Variants in TNS3 observed in about 807,000 individuals in gnomAD.
The protein encoded by TNS3 is tensin 3.
A neutral mutation model predicts 140.9 loss-of-function variants in TNS3; 45 were observed. The ratio of observed to expected loss-of-function variants is 0.32; its 90% CI spans 0.25 to 0.41. TNS3 has a LOEUF of 0.41. Among genes scored for constraint, TNS3 ranks in the 10% least tolerant of loss-of-function variants. The pLI is 1.00. For synonymous variants in TNS3, 815 were observed against 788.4 expected (o/e 1.03, Z -0.56); for missense variants, 1,716 against 1,906.7 (o/e 0.90, Z 1.86).
At chr7:47,414,172 G>A (rs781263126) in intron 11 of TNS3, among the ~76,000 whole-genome samples, 175 bp from the exon 12 acceptor site, 6 of 152,098 alleles carry the variant, frequency 3.9e-5, no homozygotes, top group East Asian at 1.9e-4. Context: ...GGCCGGACCC[G>A]GTCCTAGAAG....
At chr7:47,342,132 T>C (rs576094006) in intron 20 of TNS3, among the ~76,000 whole-genome samples, 2 of 152,258 alleles carry the variant, frequency 1.3e-5, no homozygotes, top group Non-Finnish European at 2.9e-5. Context: ...CCATAGATAT[T>C]ATAAATAAGG....
intron 1 of TNS3, among the ~76,000 whole-genome samples, chr7:47,551,322 A>C (rs928662174): frequency 6.6e-6 from 1 of 152,236 alleles, no homozygotes; most frequent in African/African-American, 2.4e-5. Flanking sequence ...CTGAAGGTGG[A>C]GGCCCAGTGG....
At chr7:47,446,562 C>T (rs1003890119) in intron 4 of TNS3, among the ~76,000 whole-genome samples, 4 of 152,150 alleles carry the variant, frequency 2.6e-5, no homozygotes, top group Admixed American at 6.5e-5. Context: ...TCCCTGTTGG[C>T]ATGCTCTTAT....
At chr7:47,550,746 C>T (rs546841603) in intron 1 of TNS3, among the ~76,000 whole-genome samples, 1 of 152,200 alleles carries the variant, frequency 6.6e-6, no homozygotes, top group Non-Finnish European at 1.5e-5. Flanking sequence ...TAGCCAGCAA[C>T]TGGGCTCTGG....
chr7:47,568,217 G>C (rs1016043280), intron 1 of TNS3, among the ~76,000 whole-genome samples: 2 of 152,220 alleles, frequency 1.3e-5, no homozygotes, highest in African/African-American at 4.8e-5. Flanking sequence ...GGAGAGGGTA[G>C]GGAGAGGCGA....
chr7:47,366,963 A>G (rs2151133151), intron 17 of TNS3, among the ~76,000 whole-genome samples: 1 of 152,282 alleles, frequency 6.6e-6, no homozygotes, highest in Non-Finnish European at 1.5e-5. Flanking sequence ...TCTGGTCTTC[A>G]CTTTTAGAGG....
intron 1 of TNS3, among the ~76,000 whole-genome samples, chr7:47,577,413 C>A (rs1009743283): frequency 3.3e-5 from 5 of 152,138 alleles, no homozygotes; most frequent in Non-Finnish European, 5.9e-5. Flanking sequence ...CCTTGGGGTC[C>A]GAGGAAGCAG....
intron 16 of TNS3, among the ~76,000 whole-genome samples, chr7:47,376,726 G>GAC (rs148067728): frequency 0.014 from 1,981 of 144,350 alleles, 23 homozygotes; most frequent in African/African-American, 0.039. Context: ...TCTAGATCAA[G>GAC]ACACACACAC....
Position 47,517,801 on chromosome 7 carries a change from G to A in TNS3, c.-152-10857C>T, listed in dbSNP as rs139136622. On this transcript the variant is annotated intron_variant, in intron 2 of 30. Transcript: ENST00000311160. ...AAGGTGCAGCGGGAGCCTAAAGGCG[G>A]AGGGAGGGTTCCACAGTCATTTCTG... Among the ~76,000 whole-genome samples the A allele has an allele frequency of 5.8e-3, 881 of 152,310 alleles. 5 individuals are homozygous for A. The highest frequency in any genetic ancestry group is 9.7e-3 in the Non-Finnish European group (657 of 68,038).
intron 12 of TNS3, 21 bp from the exon 13 acceptor site, chr7:47,411,823 T>G: frequency 6.2e-7 from 1 of 1,608,948 alleles, no homozygotes; most frequent in Non-Finnish European, 8.5e-7. Flanking sequence ...AAGAAGAAGG[T>G]AGATCATTAT....
At chr7:47,422,407 G>A (rs1035526521) in intron 10 of TNS3, among the ~76,000 whole-genome samples, 1 of 152,030 alleles carries the variant, frequency 6.6e-6, no homozygotes, top group Non-Finnish European at 1.5e-5. Context: ...CAAGCTCAGG[G>A]GTTCAAGACC....
intron 20 of TNS3, among the ~76,000 whole-genome samples, chr7:47,318,509 G>A (rs1312400503): frequency 6.6e-6 from 1 of 152,148 alleles, no homozygotes; most frequent in African/African-American, 2.4e-5. Context: ...AAACAGACAG[G>A]AATGCACCAG....
chr7:47,460,137 T>C lies in TNS3; in HGVS notation c.-75-18082A>G, dbSNP rs573098933. The stretch of plus-strand genomic sequence containing the variant: ...CTGAGGCAGGAGAATGGCGTGAACC[T>C]GAGAGGCGGAGCTTGCAGTGAGCCG... On this transcript the variant is annotated intron_variant, in intron 4 of 30. Transcript: ENST00000311160. 3.9e-3 allele frequency among the ~76,000 whole-genome samples: 565 copies of C among 145,492 alleles called. 7 individuals are homozygous for C. The highest frequency in any genetic ancestry group is 0.014 in the African/African-American group (545 of 38,504).
At chr7:47,284,860 G>A (rs940997585) in intron 27 of TNS3, among the ~76,000 whole-genome samples, 5 of 152,352 alleles carry the variant, frequency 3.3e-5, no homozygotes, top group African/African-American at 7.2e-5. Context: ...CACGGTACGC[G>A]CTGGGTAGTG....
intron 20 of TNS3, among the ~76,000 whole-genome samples, chr7:47,308,706 A>T (rs1421934647): frequency 6.6e-6 from 1 of 152,142 alleles, no homozygotes; most frequent in African/African-American, 2.4e-5. Context: ...GTTATCCCCC[A>T]CTACTGGGCA....
chr7:47,545,078 G>A (rs1049357550), intron 1 of TNS3, among the ~76,000 whole-genome samples: 3 of 151,310 alleles, frequency 2.0e-5, no homozygotes, highest in Non-Finnish European at 4.4e-5. Context: ...GGACACAGTT[G>A]TTGGTGTTGT....
At chr7:47,381,501 A>T (rs1238466489) in intron 16 of TNS3, among the ~76,000 whole-genome samples, 2 of 152,180 alleles carry the variant, frequency 1.3e-5, no homozygotes, top group Non-Finnish European at 2.9e-5. Flanking sequence ...TACTCTTTAA[A>T]TGAACAGAAT....
rs767638754 is a variant in TNS3 at position 47,278,088 on chromosome 7, T to G, written c.4326A>C (p.Pro1442=). 2 of 1,614,094 alleles carry G rather than the reference T, an allele frequency of 1.2e-6. No individual in the cohort carries two copies. The highest frequency in any genetic ancestry group is 1.7e-6 in the Non-Finnish European group (2 of 1,179,984). ...GGGAGGGGAGTTCTCAGACCTTCTT[T>G]GGGGAACCAATCATGACCTTTGATA... The part of the protein sequence containing the change: ...NFVSKVMIGS[P]KKV Residue 1442 remains proline (P), a synonymous_variant, in exon 31 of 31, where the codon CCA becomes CCC. Transcript: ENST00000311160.
chr7:47,277,934 G>T lies in TNS3; in HGVS notation c.*142C>A. ...GATGTTGTTTGTTCTTGTTTTTGCA[G>T]AGCTGGAAGATCCTCTTTCCCCTCA... On this transcript the variant is annotated 3_prime_UTR_variant, in exon 31 of 31. Transcript: ENST00000311160. 1 of 940,110 alleles carries T rather than the reference G, an allele frequency of 1.1e-6. No homozygotes were observed. 58.2% of individuals were successfully genotyped at this position (940,110 alleles called of 1,614,324 possible). A position where few individuals can be genotyped will look rare whatever the true frequency, so the allele number is the denominator to read the frequency against.
Sources: gnomAD v4.1 joint callset for allele counts (sites outside exome capture counted in the v4.1 genomes callset) on GRCh38, gnomAD v4.1.1 for gene constraint, MANE v1.5 for transcripts, NCBI Gene and HGNC (gene_info 2026-07-23, HGNC 2026-07-21) for gene names.